The following DPP10 variants were observed in gnomAD, a reference collection of about 807,000 sequenced individuals.
DPP10 encodes dipeptidyl peptidase like 10, also known as inactive dipeptidyl peptidase 10.
In DPP10, 33 loss-of-function variants were observed where a neutral mutation model predicts 120.9. That is an observed-to-expected ratio of 0.27 (90% CI 0.21 to 0.37). DPP10 has a LOEUF of 0.37. Ranked by LOEUF, DPP10 falls within the 10% of genes least tolerant of loss-of-function variation. The pLI is 1.00. For synonymous variants in DPP10, 337 were observed against 326.1 expected (o/e 1.03, Z -0.36); for missense variants, 816 against 942.8 (o/e 0.87, Z 1.76).
At chr2:115,284,311 C>G (rs987065187) in intron 1 of DPP10, among the ~76,000 whole-genome samples, 1 of 151,958 alleles carries the variant, frequency 6.6e-6, no homozygotes, top group African/African-American at 2.4e-5. Flanking sequence ...ATTTGTTTAA[C>G]CTTGTCATGT....
intron 1 of DPP10, among the ~76,000 whole-genome samples, chr2:114,992,888 C>T (rs958337476): frequency 4.6e-5 from 7 of 152,322 alleles, no homozygotes; most frequent in East Asian, 1.9e-4. Context: ...CATATGCATA[C>T]GCTTCCATAA....
At chr2:115,561,203 C>A (rs1358578426) in intron 5 of DPP10, among the ~76,000 whole-genome samples, 2 of 151,258 alleles carry the variant, frequency 1.3e-5, no homozygotes, top group East Asian at 3.9e-4. Context: ...CAAAACAAAA[C>A]AAAAAATTAG....
intron 1 of DPP10, among the ~76,000 whole-genome samples, chr2:115,000,516 C>T (rs542244937): frequency 6.6e-5 from 10 of 152,178 alleles, no homozygotes; most frequent in African/African-American, 1.4e-4. Flanking sequence ...AAATTTGCAT[C>T]TTTTACATTG....
chr2:115,560,431 T>TATATATATAC (rs2080560802), intron 5 of DPP10, among the ~76,000 whole-genome samples: 1 of 74,674 alleles, frequency 1.3e-5, no homozygotes, highest in African/African-American at 5.2e-5. Context: ...TATATATATA[T>TATATATATAC]ATATATATAT....
intron 1 of DPP10, among the ~76,000 whole-genome samples, chr2:114,667,448 A>G (rs534950039): frequency 9.1e-4 from 138 of 152,322 alleles, no homozygotes; most frequent in African/African-American, 3.2e-3. Context: ...ATGCAAATGA[A>G]TTAGGTATGC....
chr2:115,593,884 A>G (rs1301408796), intron 5 of DPP10, among the ~76,000 whole-genome samples: 1 of 152,148 alleles, frequency 6.6e-6, no homozygotes, highest in Non-Finnish European at 1.5e-5. Context: ...CTTTGCTGGA[A>G]CTTTTTTCAT....
chr2:115,688,828 A>T (rs2091152147), intron 5 of DPP10, among the ~76,000 whole-genome samples: 1 of 152,166 alleles, frequency 6.6e-6, no homozygotes, highest in Admixed American at 6.5e-5. Context: ...GGGGATTTTT[A>T]GATATTACAT....
chr2:115,042,768 A>G (rs561489016), intron 1 of DPP10, among the ~76,000 whole-genome samples: 5 of 152,334 alleles, frequency 3.3e-5, no homozygotes, highest in African/African-American at 9.6e-5. Context: ...AATTCATGCT[A>G]TAATCTATTG....
intron 1 of DPP10, among the ~76,000 whole-genome samples, chr2:114,865,943 T>C (rs1690190642): frequency 6.6e-6 from 1 of 151,948 alleles, no homozygotes; most frequent in Non-Finnish European, 1.5e-5. Flanking sequence ...AGAAATCCCA[T>C]GTCTACTAAA....
chr2:114,676,495 T>A (rs1218811725), intron 1 of DPP10, among the ~76,000 whole-genome samples: 1 of 152,096 alleles, frequency 6.6e-6, no homozygotes, highest in African/African-American at 2.4e-5. Context: ...TGTGATACTT[T>A]ATGTTTTTTT....
chr2:114,937,558 T>G (rs1696575633), intron 1 of DPP10, among the ~76,000 whole-genome samples: 1 of 152,126 alleles, frequency 6.6e-6, no homozygotes, highest in Non-Finnish European at 1.5e-5. Flanking sequence ...CCTCTTGAAC[T>G]CTCTCTTCAA....
At chr2:115,697,803 G>T (rs1224286885) in intron 7 of DPP10, among the ~76,000 whole-genome samples, 3 of 151,998 alleles carry the variant, frequency 2.0e-5, no homozygotes, top group African/African-American at 7.2e-5. Flanking sequence ...GGCTAACACG[G>T]TGAAACCCCG....
chr2:115,510,221 T>G (rs536815037), intron 4 of DPP10, among the ~76,000 whole-genome samples: 1 of 152,272 alleles, frequency 6.6e-6, no homozygotes, highest in East Asian at 1.9e-4. Flanking sequence ...ATTTTTTCTT[T>G]AGTTTTCTAT....
At chr2:115,021,248 A>G (rs1292335770) in intron 1 of DPP10, among the ~76,000 whole-genome samples, 1 of 152,170 alleles carries the variant, frequency 6.6e-6, no homozygotes, top group Non-Finnish European at 1.5e-5. Context: ...TTGAAAGGAT[A>G]AATAAAATTG....
At chr2:115,794,046 G>A (rs1684274485) in intron 19 of DPP10, among the ~76,000 whole-genome samples, 1 of 152,022 alleles carries the variant, frequency 6.6e-6, no homozygotes, top group East Asian at 1.9e-4. Flanking sequence ...TGTTTTCAGT[G>A]ACAAATTGAC....
intron 3 of DPP10, among the ~76,000 whole-genome samples, chr2:115,466,371 T>C (rs1364480324): frequency 6.6e-6 from 1 of 152,176 alleles, no homozygotes; most frequent in Non-Finnish European, 1.5e-5. Flanking sequence ...ATTTGAGAAA[T>C]GTTCTAATAG....
intron 1 of DPP10, among the ~76,000 whole-genome samples, chr2:114,978,336 G>T (rs931053133): frequency 6.6e-6 from 1 of 152,164 alleles, no homozygotes; most frequent in Admixed American, 6.5e-5. Flanking sequence ...GTCTCATTCA[G>T]TAGGTCGGGG....
intron 1 of DPP10, among the ~76,000 whole-genome samples, chr2:114,518,266 T>G (rs998890021): frequency 6.6e-6 from 1 of 151,900 alleles, no homozygotes; most frequent in African/African-American, 2.4e-5. Context: ...TTAGTAGAGA[T>G]GGTGTTTTGC....
intron 1 of DPP10, among the ~76,000 whole-genome samples, chr2:115,280,404 C>T (rs1451593953): frequency 1.3e-5 from 2 of 151,988 alleles, no homozygotes; most frequent in Admixed American, 1.3e-4. Context: ...TTCTTGAGGC[C>T]CAAAGCTGCA....
Sources: gnomAD v4.1 joint callset for allele counts (sites outside exome capture counted in the v4.1 genomes callset) on GRCh38, gnomAD v4.1.1 for gene constraint, MANE v1.5 for transcripts, NCBI Gene and HGNC (gene_info 2026-07-23, HGNC 2026-07-21) for gene names.